ZFAT: variants seen among roughly 807,000 people sequenced by gnomAD.
ZFAT encodes the protein zinc finger and AT-hook domain containing.
A neutral mutation model predicts 117.7 loss-of-function variants in ZFAT; 64 were observed. That is an observed-to-expected ratio of 0.54 (90% CI 0.44 to 0.67). The LOEUF (loss-of-function observed/expected upper bound fraction) is 0.67, where lower values mean the gene tolerates loss of function less well. ZFAT is among the 30% of genes least tolerant of loss of function. The pLI, the probability that ZFAT is intolerant of heterozygous loss-of-function variation, is 0.00. For synonymous variants in ZFAT, 679 were observed against 615.0 expected (o/e 1.10, Z -1.54); for missense variants, 1,433 against 1,584.5 (o/e 0.90, Z 1.62).
At chr8:134,600,730 A>T (rs1044554702) in intron 6 of ZFAT, 62 bp from the exon 7 acceptor site, 43 of 1,319,622 alleles carry the variant, frequency 3.3e-5, no homozygotes, top group South Asian at 1.8e-4. Context: ...TGAATTTTTT[A>T]AATTATTATT....
intron 14 of ZFAT, chr8:134,510,043 AG>A (rs1819699641): frequency 4.2e-6 from 2 of 476,202 alleles, no homozygotes; most frequent in Non-Finnish European, 8.3e-6. Context: ...TACACCACAA[AG>A]CCAGAACTTG....
At chr8:134,588,556 C>A (rs936773681) in intron 8 of ZFAT, among the ~76,000 whole-genome samples, 161 bp from the exon 9 acceptor site, 1 of 152,156 alleles carries the variant, frequency 6.6e-6, no homozygotes, top group Non-Finnish European at 1.5e-5. Context: ...AGAACCAAAT[C>A]GAGTCTCAGA....
intron 10 of ZFAT, among the ~76,000 whole-genome samples, chr8:134,577,939 G>A (rs1467996696): frequency 6.6e-6 from 1 of 152,068 alleles, no homozygotes; most frequent in Non-Finnish European, 1.5e-5. Flanking sequence ...TACTTGGTGG[G>A]GTATGGAGAC....
At chr8:134,489,455 T>G (rs1273239966) in intron 15 of ZFAT, among the ~76,000 whole-genome samples, 1 of 152,118 alleles carries the variant, frequency 6.6e-6, no homozygotes, top group East Asian at 1.9e-4. Flanking sequence ...GTCTGCACCT[T>G]GCTCGGCCTC....
the ZFAT span, among the ~76,000 whole-genome samples, chr8:134,761,964 C>T: frequency 6.2e-5 from 8 of 129,570 alleles, no homozygotes; most frequent in Non-Finnish European, 1.3e-4. Context: ...ATTCAGTTCT[C>T]TCTCTCTTTC....
At chr8:134,509,824 T>C in intron 14 of ZFAT, 75 bp from the exon 15 acceptor site, 1 of 1,519,248 alleles carries the variant, frequency 6.6e-7, no homozygotes. Flanking sequence ...AACCAGCCTG[T>C]CTGTTCTCTC....
chr8:134,524,088 G>A (rs546613053), intron 12 of ZFAT, among the ~76,000 whole-genome samples: 3 of 152,154 alleles, frequency 2.0e-5, no homozygotes, highest in Non-Finnish European at 4.4e-5. Flanking sequence ...CACTGACTCT[G>A]GGTCTTGGCA....
At chr8:134,540,364 C>T (rs1822163684) in intron 11 of ZFAT, among the ~76,000 whole-genome samples, 2 of 152,198 alleles carry the variant, frequency 1.3e-5, no homozygotes, top group South Asian at 4.1e-4. Flanking sequence ...CTTAAATGTT[C>T]TCTTTTAACA....
intron 10 of ZFAT, among the ~76,000 whole-genome samples, chr8:134,579,639 T>C (rs1407617460): frequency 6.6e-6 from 1 of 152,130 alleles, no homozygotes; most frequent in Non-Finnish European, 1.5e-5. Context: ...GCCATAAGAC[T>C]GCGGGGATCA....
chr8:134,627,142 G>A (rs530738175), intron 3 of ZFAT, among the ~76,000 whole-genome samples: 1 of 152,198 alleles, frequency 6.6e-6, no homozygotes, highest in East Asian at 1.9e-4. Context: ...GGAAAGCCAC[G>A]GGAGGCCCAC....
At chr8:134,519,774 C>A (rs1338024602) in intron 13 of ZFAT, among the ~76,000 whole-genome samples, 1 of 152,206 alleles carries the variant, frequency 6.6e-6, no homozygotes, top group African/African-American at 2.4e-5. Flanking sequence ...TCTGTGGAAA[C>A]ACTCTAGTGT....
chr8:134,529,140 G>A (rs1039136367), intron 12 of ZFAT, among the ~76,000 whole-genome samples: 2 of 152,102 alleles, frequency 1.3e-5, no homozygotes, highest in South Asian at 2.1e-4. Context: ...CAAAAATCCC[G>A]GCCCAGGTCC....
chr8:134,831,350 T>C, the ZFAT span, among the ~76,000 whole-genome samples: 2 of 152,196 alleles, frequency 1.3e-5, no homozygotes, highest in African/African-American at 4.8e-5. Flanking sequence ...GTTCCCTCTC[T>C]CCCAAGTAAC....
chr8:134,554,076 G>A (rs1468362000), intron 11 of ZFAT, among the ~76,000 whole-genome samples: 2 of 152,176 alleles, frequency 1.3e-5, no homozygotes, highest in South Asian at 2.1e-4. Flanking sequence ...AGCTGGCAGA[G>A]GACTCTCTCC....
intron 8 of ZFAT, among the ~76,000 whole-genome samples, chr8:134,589,591 TGGGAGTTGCTG>T (rs1051711834): frequency 2.0e-5 from 3 of 152,126 alleles, no homozygotes; most frequent in Admixed American, 6.5e-5. Context: ...AGGGAGCCCA[TGGGAGTTGCTG>T]GAGAGTCACA....
chr8:134,599,993 G>T, intron 7 of ZFAT: 2 of 371,780 alleles, frequency 5.4e-6, no homozygotes, highest in Middle Eastern at 9.5e-4. Flanking sequence ...GACAACAGTG[G>T]TCATCAACAT....
At chr8:134,799,182 T>A in the ZFAT span, among the ~76,000 whole-genome samples, 2 of 152,170 alleles carry the variant, frequency 1.3e-5, no homozygotes, top group African/African-American at 4.8e-5. Context: ...CAAGTCTCCA[T>A]GCTTTCATTT....
chr8:134,586,415 TAAAC>T (rs959484592), intron 9 of ZFAT, among the ~76,000 whole-genome samples: 2 of 152,218 alleles, frequency 1.3e-5, no homozygotes, highest in African/African-American at 4.8e-5. Context: ...ACATTACAGA[TAAAC>T]AAACTGAGTT....
At chr8:134,483,773 T>C (rs1401352120) in intron 15 of ZFAT, among the ~76,000 whole-genome samples, 4 of 152,248 alleles carry the variant, frequency 2.6e-5, no homozygotes. Context: ...TTCTGGAGTC[T>C]GGACAAGATC....
Sources: allele counts gnomAD v4.1 joint callset (sites outside exome capture counted in the v4.1 genomes callset), GRCh38; gene constraint gnomAD v4.1.1; transcripts MANE v1.5; gene names NCBI Gene and HGNC (gene_info 2026-07-23, HGNC 2026-07-21).